Variants in ANKRD12 observed in about 807,000 individuals in gnomAD.
ANKRD12 encodes ankyrin repeat domain 12, also known as ankyrin repeat domain-containing protein 12.
ANKRD12 carries 85 observed loss-of-function variants against 183.4 expected under a neutral mutation model. The ratio of observed to expected loss-of-function variants is 0.46; its 90% confidence interval spans 0.39 to 0.56. The LOEUF is 0.56. Ranked by LOEUF, ANKRD12 falls within the 20% of genes least tolerant of loss-of-function variation. The pLI, the probability that ANKRD12 is intolerant of heterozygous loss-of-function variation, is 0.00. For synonymous variants in ANKRD12, 914 were observed against 800.2 expected, an observed-to-expected ratio of 1.14 and a Z score of -2.40; for missense variants, 2,405 against 2,357.1, an observed-to-expected ratio of 1.02 and a Z score of -0.42.
At chr18:9,236,952 A>G (rs1021079934) in intron 8 of ANKRD12, among the ~76,000 whole-genome samples, 14 of 152,188 alleles carry the variant, frequency 9.2e-5, no homozygotes, top group South Asian at 4.1e-4. Flanking sequence ...AAGAACTGCA[A>G]CATAAGAATC....
intron 1 of ANKRD12, among the ~76,000 whole-genome samples, chr18:9,160,833 AT>A (rs956518404): frequency 2.3e-4 from 35 of 152,374 alleles, no homozygotes; most frequent in African/African-American, 7.7e-4. Flanking sequence ...TGCCAACACA[AT>A]TTGATCGTCT....
intron 10 of ANKRD12, among the ~76,000 whole-genome samples, chr18:9,270,145 A>G (rs1347889837): frequency 6.6e-6 from 1 of 152,236 alleles, no homozygotes; most frequent in Admixed American, 6.5e-5. Flanking sequence ...AGAAATAGGA[A>G]TACTTTTACA....
At chr18:9,267,773 G>A (rs1404988837) in intron 10 of ANKRD12, among the ~76,000 whole-genome samples, 70 of 145,138 alleles carry the variant, frequency 4.8e-4, no homozygotes, top group Admixed American at 7.6e-4. Context: ...ACTAAGATCA[G>A]AGCAGAACTG....
rs368759427 is a variant in ANKRD12 at position 9,254,482 on chromosome 18, C to T, written c.1215C>T (p.Ala405=). Residue 405 remains alanine, a synonymous_variant, in exon 9 of 13, where the codon GCC becomes GCT. Coordinates refer to ENST00000262126, the MANE Select transcript of ANKRD12 (RefSeq NM_015208.5). ...ATTTATTTGCAAAACAGGAGAAAGC[C>T]TTCTATCCTAAATCATTTAAAAGTA... ...KTHLFAKQEK[A]FYPKSFKSKK... is the part of the protein sequence containing the mutation. 397 of 1,558,304 alleles carry T rather than the reference C, an allele frequency of 2.5e-4. 7 individuals carry two copies. The South Asian group carries it at 4.4e-3, about 17-fold the overall frequency.
chr18:9,235,876 A>G, intron 8 of ANKRD12: 1 of 284,372 alleles, frequency 3.5e-6, no homozygotes, highest in Middle Eastern at 7.2e-4. Flanking sequence ...TAGTTGATTT[A>G]TTCTTCTCTG....
chr18:9,138,691 T>C (rs1434752449), intron 1 of ANKRD12, among the ~76,000 whole-genome samples: 1 of 152,132 alleles, frequency 6.6e-6, no homozygotes, highest in Non-Finnish European at 1.5e-5. Flanking sequence ...AAAAGCAAAA[T>C]GAGGATAGTG....
intron 3 of ANKRD12, among the ~76,000 whole-genome samples, chr18:9,200,313 C>G (rs1231633988): frequency 1.3e-5 from 2 of 152,080 alleles, no homozygotes; most frequent in Non-Finnish European, 2.9e-5. Flanking sequence ...TTTATTTAAA[C>G]AAATCACCAA....
At chr18:9,159,790 TA>T (rs895092150) in intron 1 of ANKRD12, among the ~76,000 whole-genome samples, 37 of 150,426 alleles carry the variant, frequency 2.5e-4, no homozygotes, top group African/African-American at 8.8e-4. Flanking sequence ...TATACATGTA[TA>T]GTAGTTTCAG....
chr18:9,204,095 T>C (rs1202585705), intron 3 of ANKRD12, among the ~76,000 whole-genome samples: 1 of 152,204 alleles, frequency 6.6e-6, no homozygotes, highest in Non-Finnish European at 1.5e-5. Flanking sequence ...TTGGCACTCA[T>C]AGAACAAAAA....
intron 1 of ANKRD12, among the ~76,000 whole-genome samples, chr18:9,163,247 A>G (rs892858910): frequency 3.3e-5 from 5 of 152,018 alleles, no homozygotes; most frequent in South Asian, 2.1e-4. Flanking sequence ...TCCAGTTTCA[A>G]TTTTTTTGCA....
chr18:9,196,293 T>TA (rs1211265829), intron 3 of ANKRD12, among the ~76,000 whole-genome samples: 1 of 151,124 alleles, frequency 6.6e-6, no homozygotes, highest in Non-Finnish European at 1.5e-5. Context: ...CAGAAATTGA[T>TA]ACTTGAAATC....
chr18:9,187,244 C>T (rs374124028), intron 2 of ANKRD12, among the ~76,000 whole-genome samples: 24 of 151,920 alleles, frequency 1.6e-4, no homozygotes, highest in African/African-American at 5.3e-4. Flanking sequence ...TGGGCAAGAC[C>T]CCCGTCTCTA....
intron 4 of ANKRD12, among the ~76,000 whole-genome samples, chr18:9,208,325 A>G (rs1275121728): frequency 1.3e-5 from 2 of 152,206 alleles, no homozygotes; most frequent in Admixed American, 6.5e-5. Context: ...GGTTTCAAAG[A>G]TGTAATACTA....
At chr18:9,171,075 CAGA>C (rs1321931394) in intron 1 of ANKRD12, among the ~76,000 whole-genome samples, 2 of 152,160 alleles carry the variant, frequency 1.3e-5, no homozygotes. Context: ...AGTTTGGTCT[CAGA>C]GGAGTACCCG....
At chr18:9,194,053 G>A (rs1181249566) in intron 2 of ANKRD12, among the ~76,000 whole-genome samples, 2 of 152,134 alleles carry the variant, frequency 1.3e-5, no homozygotes, top group Non-Finnish European at 2.9e-5. Flanking sequence ...TTAAGAAATA[G>A]GGTTGTAATC....
chr18:9,169,487 G>A (rs1358899365), intron 1 of ANKRD12, among the ~76,000 whole-genome samples: 1 of 152,056 alleles, frequency 6.6e-6, no homozygotes, highest in Non-Finnish European at 1.5e-5. Flanking sequence ...TGTCTCTTTT[G>A]ATCTTTGTTG....
chr18:9,144,010 T>TA (rs1198329266), intron 1 of ANKRD12, among the ~76,000 whole-genome samples: 10 of 152,204 alleles, frequency 6.6e-5, no homozygotes, highest in Admixed American at 6.5e-4. Flanking sequence ...CTTACATACC[T>TA]ATATTTGTGT....
chr18:9,201,827 C>CT (rs200051164), intron 3 of ANKRD12, among the ~76,000 whole-genome samples: 182 of 141,690 alleles, frequency 1.3e-3, no homozygotes, highest in African/African-American at 1.5e-3. Flanking sequence ...GTTTTTTTCG[C>CT]TTTTTTTTTT....
At chr18:9,160,086 A>G (rs2143757459) in intron 1 of ANKRD12, among the ~76,000 whole-genome samples, 1 of 151,926 alleles carries the variant, frequency 6.6e-6, no homozygotes, top group Admixed American at 6.5e-5. Context: ...CCTGGGCAAC[A>G]TGGTAAAACC....
Sources: allele counts gnomAD v4.1 joint callset (sites outside exome capture counted in the v4.1 genomes callset), GRCh38; gene constraint gnomAD v4.1.1; transcripts MANE v1.5; gene names NCBI Gene and HGNC (gene_info 2026-07-23, HGNC 2026-07-21).